Variants in PLCB2 observed in about 807,000 individuals in gnomAD.
The protein encoded by PLCB2 is phospholipase C beta 2.
In PLCB2, 115 loss-of-function variants were observed where a neutral mutation model predicts 141.7. The ratio of observed to expected loss-of-function variants is 0.81; its 90% CI spans 0.70 to 0.95. The LOEUF is 0.95. Ranked by LOEUF, PLCB2 falls within the 40% of genes least tolerant of loss-of-function variation. PLCB2 has a pLI of 0.00. For synonymous variants in PLCB2, 603 were observed against 595.6 expected (o/e 1.01, Z -0.18); for missense variants, 1,403 against 1,541.1 (o/e 0.91, Z 1.50).
intron 7 of PLCB2, 132 bp downstream of exon 7, chr15:40,301,825 T>C: frequency 1.3e-6 from 1 of 788,084 alleles, no homozygotes; most frequent in South Asian, 1.5e-5. Flanking sequence ...AGCTCCAGGG[T>C]TGATTGGCTC....
intron 30 of PLCB2, 133 bp downstream of exon 30, chr15:40,289,890 CAA>C (rs1355950451): frequency 1.3e-6 from 1 of 777,968 alleles, no homozygotes; most frequent in African/African-American, 1.7e-5. Flanking sequence ...CTCCTAAGGG[CAA>C]AGTCAGGGCC....
At position 40,302,537 on chromosome 15, in the gene PLCB2, C is replaced by G. The variant is rs780624327; in HGVS notation, c.304G>C (p.Val102Leu). The part of the protein sequence containing the change: ...NSFLLKTLTV[V>L]SGPDMVDLTF... The stretch of plus-strand genomic sequence containing the variant: ...AGGTCCACCATGTCCGGGCCGGACA[C>G]CACCGTGAGTGTCTTCAGCAGGAAA... Residue 102 changes from valine (V) to leucine (L), a missense_variant, in exon 4 of 32, where the codon GTG (valine) becomes CTG (leucine). Transcript: ENST00000260402. The G allele has an allele frequency of 1.2e-6, 2 of 1,614,080 alleles. No individual in the cohort carries two copies. Among genetic ancestry groups the G allele is most frequent in the African/African-American group, 2.7e-5 (2 of 74,952 alleles).
intron 18 of PLCB2, 114 bp downstream of exon 18, chr15:40,294,822 G>A: frequency 7.5e-7 from 1 of 1,342,236 alleles, no homozygotes; most frequent in Non-Finnish European, 1.0e-6. Flanking sequence ...CATGCTCCCA[G>A]AGTCTACACT....
rs773166806 is a variant in PLCB2 at position 40,294,343 on chromosome 15, G to T, written c.1984C>A (p.Arg662Ser). Residue 662 changes from arginine (R) to serine (S), a missense_variant, in exon 19 of 32, where the codon CGC becomes AGC. Transcript: ENST00000260402. ...SGYLLKHEFM[R>S]RPDKQFNPFS... The stretch of plus-strand genomic sequence containing the variant: ...GGGTTGAACTGCTTGTCCGGCCGGC[G>T]CATGAACTCATGCTTGAGGAGGTAG... The T allele has an allele frequency of 6.2e-7, 1 of 1,614,102 alleles. No individual in the cohort carries two copies. The highest frequency in any genetic ancestry group is 8.5e-7 in the Non-Finnish European group (1 of 1,179,986).
intron 30 of PLCB2, 63 bp downstream of exon 30, chr15:40,289,955 GAGAGAGA>G: frequency 1.3e-5 from 10 of 773,114 alleles, no homozygotes; most frequent in Non-Finnish European, 2.2e-6. Flanking sequence ...GAGAGAGAGA[GAGAGAGA>G]GAGAGAGTGT....
chr15:40,301,983 T>G lies in PLCB2; in HGVS notation c.556A>C (p.Ser186Arg). Residue 186 changes from serine (S) to arginine (R), a missense_variant, in exon 7 of 32, where the codon AGT becomes CGT. This residue lies in a region of PLCB2 where 975 missense variants were observed against 1,141.1 expected (regional missense o/e 0.85). Coordinates refer to ENST00000260402, the MANE Select transcript of PLCB2 (RefSeq NM_004573.3). ...ADRKRVEAAL[S>R]ACHLPKGKND... ...TTGCCTTTGGGGAGGTGGCAGGCACTGAGAGCAGCTTCCACCCGCTTGCGG... is the reference window on the plus strand; with the variant it reads ...TTGCCTTTGGGGAGGTGGCAGGCACGGAGAGCAGCTTCCACCCGCTTGCGG... 1.2e-6 allele frequency: 2 copies of G among 1,614,090 alleles called. No homozygotes were observed. Among genetic ancestry groups the G allele is most frequent in the African/African-American group, 2.7e-5 (2 of 75,032 alleles).
In PLCB2 at chr15:40,288,529, C is replaced by T. The variant is rs762817850; in HGVS notation, c.*186G>A. 120 of 1,325,228 alleles carry T rather than the reference C, an allele frequency of 9.1e-5. No individual in the cohort carries two copies. Among genetic ancestry groups the T allele is most frequent in the Non-Finnish European group, 1.1e-4 (115 of 1,037,802 alleles). The allele number at this position is 1,325,228 out of a possible 1,614,324, so 82.1% of individuals were successfully genotyped here. On this transcript the variant is annotated 3_prime_UTR_variant, in exon 32 of 32. Transcript: ENST00000260402. The stretch of plus-strand genomic sequence containing the variant: ...CTTCTAGGCCCCAGAGAGGCCCTGC[C>T]GTGAGGGTGCCTGGGTCCTGTCTCA...
At position 40,291,251 on chromosome 15, in the gene PLCB2, G is replaced by T; in HGVS notation, c.2870+14C>A. ...CCCGCGCTGCAGAGGGCAGGGCACC[G>T]CCACGAGCCTTACCTCTTCTTGCGA... On this transcript the variant is annotated intron_variant, in intron 26 of 31. Coordinates refer to ENST00000260402, the MANE Select transcript of PLCB2 (RefSeq NM_004573.3). 1 of 1,572,964 alleles carries T rather than the reference G, an allele frequency of 6.4e-7. No individual in the cohort carries two copies. Among genetic ancestry groups the T allele is most frequent in the Non-Finnish European group, 8.6e-7 (1 of 1,167,838 alleles).
At chr15:40,288,957 G>C in intron 31 of PLCB2, 39 bp from the exon 32 acceptor site, 1 of 1,604,654 alleles carries the variant, frequency 6.2e-7, no homozygotes, top group Non-Finnish European at 8.5e-7. Context: ...GCTCAGGAGG[G>C]GCCTGCTGGC....
rs1203480897 is a variant in PLCB2 at position 40,292,963 on chromosome 15, A to T, written c.2289T>A (p.Leu763=). 9 of 1,607,994 alleles carry T rather than the reference A, an allele frequency of 5.6e-6. No homozygotes were observed. The East Asian group carries it at 2.0e-4, about 36-fold the overall frequency. Reference sequence around the variant, plus strand: ...CATTGATGGGGATGATGCGGTGTCCAAGAAACTTGTTGCCTTCCTCCATCA... The same window carrying T: ...CATTGATGGGGATGATGCGGTGTCCTAGAAACTTGTTGCCTTCCTCCATCA... The part of the protein sequence containing the change: ...VAVMEEGNKF[L]GHRIIPINAL... Residue 763 remains leucine (L), a synonymous_variant, in exon 21 of 32, where the codon CTT becomes CTA. Coordinates refer to ENST00000260402, the MANE Select transcript of PLCB2 (RefSeq NM_004573.3).
downstream of PLCB2, chr15:40,285,683 T>C: frequency 1.0e-6 from 1 of 985,370 alleles, no homozygotes; most frequent in Non-Finnish European, 1.2e-6. Context: ...TGACTCAACT[T>C]CTCTTTTCAG....
rs1343533107 is a variant in PLCB2 at position 40,292,948 on chromosome 15, G to T, written c.2304C>A (p.Ile768=). 6.2e-7 allele frequency: 1 copy of T among 1,606,652 alleles called. No homozygotes were observed. The change falls in exon 21 of 32, where the codon ATC becomes ATA. Residue 768 remains isoleucine (I), a synonymous_variant. Coordinates refer to ENST00000260402, the MANE Select transcript of PLCB2 (RefSeq NM_004573.3). ...TACCAGAATTTAGGGCATTGATGGG[G>T]ATGATGCGGTGTCCAAGAAACTTGT... ...EGNKFLGHRI[I]PINALNSGYH...
rs2040623475 is a variant in PLCB2 at position 40,303,367 on chromosome 15, G to T, written c.163-11C>A. The T allele has an allele frequency of 6.2e-7, 1 of 1,607,968 alleles. No individual in the cohort carries two copies. The highest frequency in any genetic ancestry group is 8.5e-7 in the Non-Finnish European group (1 of 1,174,400). ...CAGAAACTCCATCTCCTGGGGGCAG[G>T]GTGCGGATCCCGGTGGGAGCAAAGA... is the stretch of plus-strand genomic sequence containing the variant. On this transcript the variant is annotated splice_polypyrimidine_tract_variant and intron_variant, in intron 2 of 31. Coordinates refer to ENST00000260402, the MANE Select transcript of PLCB2 (RefSeq NM_004573.3).
chr15:40,294,895 G>C (rs913394437), intron 18 of PLCB2, 41 bp downstream of exon 18: 3 of 1,613,462 alleles, frequency 1.9e-6, no homozygotes, highest in East Asian at 2.2e-5. Flanking sequence ...GGGGGCGCAG[G>C]GACCAGGGAA....
chr15:40,289,215 C>A, intron 31 of PLCB2, 57 bp downstream of exon 31: 1 of 1,482,372 alleles, frequency 6.7e-7, no homozygotes, highest in South Asian at 1.1e-5. Context: ...GGCAAGGCCC[C>A]TTTACAACCC....
intron 25 of PLCB2, 30 bp from the exon 26 acceptor site, chr15:40,291,517 G>C (rs775720453): frequency 6.3e-7 from 1 of 1,599,270 alleles, no homozygotes; most frequent in South Asian, 1.1e-5. Context: ...GCGCAACACC[G>C]GCCAGGCCGT....
rs1249627291 is a variant in PLCB2, at chr15:40,304,162, A to G, written c.85-84T>C. On this transcript the variant is annotated intron_variant, in intron 1 of 31. Transcript: ENST00000260402. The stretch of plus-strand genomic sequence containing the variant: ...CAGGCCAGGGGTTTCAGAGCTCATT[A>G]TCTTCCCAGGAGGTGCCCATCCCAG... 3 of 900,884 alleles carry G rather than the reference A, an allele frequency of 3.3e-6. No homozygotes were observed. The East Asian group carries it at 7.9e-5, about 24-fold the overall frequency. The allele number at this position is 900,884 out of a possible 1,614,324, so 55.8% of individuals were successfully genotyped here. A position where few individuals can be genotyped will look rare whatever the true frequency, so the allele number is the denominator to read the frequency against.
downstream of PLCB2, chr15:40,284,463 T>C (rs551554245): frequency 6.5e-4 from 294 of 455,634 alleles, 6 homozygotes; most frequent in South Asian, 3.9e-3. Context: ...GATGAAAAGA[T>C]GGAGTTGTGG....
At chr15:40,307,449 G>C (rs1200639943) in intron 1 of PLCB2, 140 bp downstream of exon 1, 1 of 519,276 alleles carries the variant, frequency 1.9e-6, no homozygotes. Flanking sequence ...TCCAAGCAGT[G>C]GTGTCAGCTG....
Sources: gnomAD v4.1 joint callset for allele counts on GRCh38, gnomAD v4.1.1 for gene constraint, gnomAD v4.1.1 regional missense constraint, MANE v1.5 for transcripts, NCBI Gene and HGNC (gene_info 2026-07-23, HGNC 2026-07-21) for gene names.